Variants in ABCC1 observed in about 807,000 individuals in gnomAD.
ABCC1 encodes multidrug resistance-associated protein 1.
In ABCC1, 83 loss-of-function variants were observed where a neutral mutation model predicts 172.9. That is an observed-to-expected ratio of 0.48 (90% confidence interval 0.40 to 0.58). The LOEUF (loss-of-function observed/expected upper bound fraction) is 0.58, where lower values mean the gene tolerates loss of function less well. Ranked by LOEUF, ABCC1 falls within the 20% of genes least tolerant of loss-of-function variation. The pLI, the probability that ABCC1 is intolerant of heterozygous loss-of-function variation, is 0.00. For synonymous variants in ABCC1, 937 were observed against 825.2 expected (o/e 1.14, Z -2.32); for missense variants, 1,817 against 2,002.7 (o/e 0.91, Z 1.77).
intron 23 of ABCC1, among the ~76,000 whole-genome samples, chr16:16,119,662 G>C (rs575484190): frequency 1.2e-3 from 179 of 152,334 alleles, no homozygotes; most frequent in African/African-American, 4.1e-3. Flanking sequence ...CTGCACTCCA[G>C]CCAGGGTGAC....
At position 16,087,057 on chromosome 16, in the gene ABCC1, C is replaced by T. The variant is rs985691766; in HGVS notation, c.2460+66C>T. 5 of 1,554,576 alleles carry T rather than the reference C, an allele frequency of 3.2e-6. No homozygotes were observed. The African/African-American group carries it at 5.5e-5, about 17-fold the overall frequency. ...GCCCTTTGGTTAAGTCAGAACGTGTCCCCTTTAGGAGTCCTTTACTTTCTC... is the reference window on the plus strand; with the variant it reads ...GCCCTTTGGTTAAGTCAGAACGTGTTCCCTTTAGGAGTCCTTTACTTTCTC... On this transcript the variant is annotated intron_variant, in intron 18 of 30. Transcript: ENST00000399410.
chr16:16,055,873 C>T (rs540409229), intron 11 of ABCC1, among the ~76,000 whole-genome samples: 39 of 150,758 alleles, frequency 2.6e-4, no homozygotes, highest in African/African-American at 8.5e-4. Flanking sequence ...AGGCCCAGTG[C>T]GGTGGCTCAC....
intron 7 of ABCC1, among the ~76,000 whole-genome samples, chr16:16,036,856 A>G (rs2048777926): frequency 6.6e-6 from 1 of 152,202 alleles, no homozygotes; most frequent in Non-Finnish European, 1.5e-5. Context: ...GTCTAATCCC[A>G]GCACTTTGGG....
chr16:16,071,564 C>A, intron 13 of ABCC1, 78 bp from the exon 14 acceptor site: 1 of 1,227,304 alleles, frequency 8.1e-7, no homozygotes, highest in South Asian at 1.3e-5. Flanking sequence ...CTGGGGAAAC[C>A]CTTGAAAGTT....
chr16:16,013,992 T>C (rs995878998), intron 3 of ABCC1, among the ~76,000 whole-genome samples: 1 of 152,120 alleles, frequency 6.6e-6, no homozygotes, highest in Non-Finnish European at 1.5e-5. Context: ...CTGTACTGGG[T>C]TCTCTGCCTG....
intron 5 of ABCC1, among the ~76,000 whole-genome samples, chr16:16,029,559 C>T (rs1026631717): frequency 1.3e-5 from 2 of 152,112 alleles, no homozygotes; most frequent in Non-Finnish European, 2.9e-5. Context: ...CATAGGTGAA[C>T]GTTTTAATAT....
At chr16:16,083,589 G>T in intron 17 of ABCC1, 47 bp downstream of exon 17, 1 of 1,584,924 alleles carries the variant, frequency 6.3e-7, no homozygotes, top group South Asian at 1.1e-5. Context: ...AGCTGTTGCC[G>T]CGTAACAAAT....
intron 1 of ABCC1, among the ~76,000 whole-genome samples, chr16:15,990,173 G>C (rs1288538219): frequency 6.6e-6 from 1 of 152,142 alleles, no homozygotes; most frequent in Non-Finnish European, 1.5e-5. Flanking sequence ...TCCTGCCTCA[G>C]CCTCCCAAGC....
chr16:16,124,157 C>T (rs1287316930), intron 24 of ABCC1, among the ~76,000 whole-genome samples: 1 of 152,176 alleles, frequency 6.6e-6, no homozygotes, highest in East Asian at 1.9e-4. Flanking sequence ...GCACTCCCCT[C>T]CCAGATCTGT....
intron 3 of ABCC1, among the ~76,000 whole-genome samples, chr16:16,013,236 A>G (rs934863818): frequency 6.6e-6 from 1 of 151,266 alleles, no homozygotes; most frequent in Non-Finnish European, 1.5e-5. Flanking sequence ...ATATGCAGGC[A>G]CTGGTAATAT....
At chr16:16,029,360 C>CT (rs2048484891) in intron 5 of ABCC1, among the ~76,000 whole-genome samples, 1 of 152,076 alleles carries the variant, frequency 6.6e-6, no homozygotes, top group Non-Finnish European at 1.5e-5. Flanking sequence ...GTAGCTGGGA[C>CT]TACAGGCACG....
intron 1 of ABCC1, among the ~76,000 whole-genome samples, chr16:15,950,560 A>G (rs2151465802): frequency 6.6e-6 from 1 of 152,128 alleles, no homozygotes; most frequent in South Asian, 2.1e-4. Context: ...AACCCCGGCA[A>G]GTTTTCTTCT....
At chr16:15,958,180 A>C (rs1036041432) in intron 1 of ABCC1, among the ~76,000 whole-genome samples, 2 of 152,140 alleles carry the variant, frequency 1.3e-5, no homozygotes, top group Non-Finnish European at 2.9e-5. Context: ...ATCTCGGCTC[A>C]CTGCAACCTC....
chr16:16,078,510 A>C (rs2050676285), intron 15 of ABCC1, among the ~76,000 whole-genome samples: 1 of 152,108 alleles, frequency 6.6e-6, no homozygotes, highest in South Asian at 2.1e-4. Context: ...GTGTCTTAGC[A>C]CAGCGTCCTT....
chr16:16,125,808 A>G lies in ABCC1; in HGVS notation c.3718-2A>G, dbSNP rs2045408405. On this transcript the variant is annotated splice_acceptor_variant, in intron 25 of 30. Transcript: ENST00000399410. LOFTEE classifies it high-confidence loss of function. ...AATGCCACGTGACTCTTCCACTCAC[A>G]GGTCACCACGTACTTGAACTGGCTG... 6.2e-7 allele frequency: 1 copy of G among 1,611,062 alleles called. No individual in the cohort carries two copies. The highest frequency in any genetic ancestry group is 8.5e-7 in the Non-Finnish European group (1 of 1,178,038).
chr16:16,061,974 T>G (rs138400108), intron 12 of ABCC1, among the ~76,000 whole-genome samples: 1 of 152,214 alleles, frequency 6.6e-6, no homozygotes, highest in Non-Finnish European at 1.5e-5. Context: ...GGTCTCACTT[T>G]GTTGCCCAGG....
At chr16:16,124,025 C>A (rs1436322999) in intron 24 of ABCC1, among the ~76,000 whole-genome samples, 1 of 152,066 alleles carries the variant, frequency 6.6e-6, no homozygotes, top group African/African-American at 2.4e-5. Context: ...CTCAAAAAAA[C>A]AAAATGACAG....
chr16:15,954,644 C>T (rs1208408717), intron 1 of ABCC1, among the ~76,000 whole-genome samples: 2 of 152,200 alleles, frequency 1.3e-5, no homozygotes, highest in African/African-American at 4.8e-5. Context: ...CAAATGGAGC[C>T]ACTGCAGCCA....
intron 5 of ABCC1, among the ~76,000 whole-genome samples, chr16:16,023,114 A>G (rs1350808793): frequency 1.3e-5 from 2 of 151,978 alleles, no homozygotes; most frequent in Non-Finnish European, 2.9e-5. Context: ...AGGGCTCCTT[A>G]TGTTGCCCAG....
Sources: allele counts gnomAD v4.1 joint callset (sites outside exome capture counted in the v4.1 genomes callset), GRCh38; gene constraint gnomAD v4.1.1; transcripts MANE v1.5; gene names NCBI Gene and HGNC (gene_info 2026-07-23, HGNC 2026-07-21).